Variants in TTC19 observed in about 807,000 individuals in gnomAD.
TTC19 encodes the protein tetratricopeptide repeat protein 19, mitochondrial.
Under a neutral mutation model 49.5 loss-of-function variants are expected in TTC19, and 38 were observed. That is an observed-to-expected ratio of 0.77 (90% CI 0.59 to 1.01). The LOEUF (loss-of-function observed/expected upper bound fraction) is 1.01, where lower values mean the gene tolerates loss of function less well. Among genes scored for constraint, TTC19 ranks in the 50% least tolerant of loss-of-function variants. TTC19 has a pLI of 0.00. For missense variants in TTC19, 475 were observed against 477.7 expected (o/e 0.99, Z 0.05); for synonymous variants, 204 against 185.2 (o/e 1.10, Z -0.83).
chr17:16,026,552 A>G lies in TTC19; in HGVS notation c.844A>G (p.Met282Val). Residue 282 changes from methionine to valine, a missense_variant, in exon 9 of 10, where the codon ATG becomes GTG. Met to Val is a conservative substitution (Grantham distance 21, BLOSUM62 1). Coordinates refer to ENST00000261647, the MANE Select transcript of TTC19 (RefSeq NM_017775.4). ...CTTTTACATACAGACCATTGTGCTG[A>G]TGAGTGACCTGGCTACTACCCTGGA... ...GERHPQTIVL[M>V]SDLATTLDAQ... The G allele has an allele frequency of 3.7e-6, 6 of 1,614,146 alleles. No individual in the cohort carries two copies. Among genetic ancestry groups the G allele is most frequent in the Non-Finnish European group, 4.2e-6 (5 of 1,179,992 alleles).
Position 16,000,258 on chromosome 17 carries a change from C to A in TTC19, c.312+13C>A. ...GAAGCGAGCCAAGGTGAGGCGGCTCCGGGCCCTGCGCCCGGCCGAGCGCGG... is the reference window on the plus strand; with the variant it reads ...GAAGCGAGCCAAGGTGAGGCGGCTCAGGGCCCTGCGCCCGGCCGAGCGCGG... On this transcript the variant is annotated intron_variant, in intron 2 of 9. Coordinates refer to ENST00000261647, the MANE Select transcript of TTC19 (RefSeq NM_017775.4). The A allele has an allele frequency of 6.3e-7, 1 of 1,593,572 alleles. No homozygotes were observed. Among genetic ancestry groups the A allele is most frequent in the Non-Finnish European group, 8.5e-7 (1 of 1,178,332 alleles).
chr17:15,999,929 C>T lies in TTC19; in HGVS notation c.81C>T (p.Arg27=). 2 of 1,342,202 alleles carry T rather than the reference C, an allele frequency of 1.5e-6. No individual in the cohort carries two copies. The highest frequency in any genetic ancestry group is 1.9e-6 in the Non-Finnish European group (2 of 1,054,708). 83.1% of individuals were successfully genotyped at this position (1,342,202 alleles called of 1,614,324 possible). A position where few individuals can be genotyped will look rare whatever the true frequency, so the allele number is the denominator to read the frequency against. ...GGCGGTGCCGGGGCTGCTCCGCGCGCCTGCTCCCGGGGCTGGCAGGAGGTC... is the reference window on the plus strand; with the variant it reads ...GGCGGTGCCGGGGCTGCTCCGCGCGTCTGCTCCCGGGGCTGGCAGGAGGTC... ...AGRRCRGCSA[R]LLPGLAGGPG... Residue 27 remains arginine (R), a synonymous_variant, in exon 1 of 10, where the codon CGC becomes CGT. Coordinates refer to ENST00000261647, the MANE Select transcript of TTC19 (RefSeq NM_017775.4).
chr17:16,005,225 C>G (rs1225833123), intron 6 of TTC19, among the ~76,000 whole-genome samples: 1 of 152,172 alleles, frequency 6.6e-6, no homozygotes. Flanking sequence ...AAGACATGGC[C>G]AGATCTGAGG....
chr17:16,036,185 TC>T (rs764823434), intron 2 of TTC19, among the ~76,000 whole-genome samples: 37 of 152,334 alleles, frequency 2.4e-4, no homozygotes, highest in Middle Eastern at 3.4e-3. Flanking sequence ...AAAACAACAT[TC>T]ATCTCCTTGA....
chr17:16,010,267 G>A (rs1400201934), intron 7 of TTC19, among the ~76,000 whole-genome samples: 3 of 131,664 alleles, frequency 2.3e-5, no homozygotes, highest in Non-Finnish European at 3.1e-5. Flanking sequence ...TCCGCCTCCC[G>A]GGTTTAAGCG....
At chr17:16,034,631 G>T in intron 2 of TTC19, 1 of 815,750 alleles carries the variant, frequency 1.2e-6, no homozygotes, top group Non-Finnish European at 1.9e-6. Flanking sequence ...TCGGGAAAGT[G>T]GAACATATTA....
chr17:16,020,556 C>A (rs1189327691), intron 7 of TTC19, among the ~76,000 whole-genome samples: 1 of 152,086 alleles, frequency 6.6e-6, no homozygotes, highest in Admixed American at 6.6e-5. Context: ...AATGACATCT[C>A]TATATTGGGT....
intron 2 of TTC19, 94 bp from the exon 3 acceptor site, chr17:16,001,821 A>T: frequency 1.2e-6 from 1 of 811,524 alleles, no homozygotes; most frequent in Non-Finnish European, 2.1e-6. Context: ...GCTTCCTTCT[A>T]TCAGTTGGGA....
At chr17:16,026,318 A>C (rs1386279012) in intron 8 of TTC19, among the ~76,000 whole-genome samples, 2 of 152,268 alleles carry the variant, frequency 1.3e-5, no homozygotes, top group Admixed American at 1.3e-4. Flanking sequence ...CCTAATTTCC[A>C]GATTTGTATT....
chr17:16,012,769 C>T (rs1161181233), intron 7 of TTC19, among the ~76,000 whole-genome samples: 1 of 151,956 alleles, frequency 6.6e-6, no homozygotes, highest in African/African-American at 2.4e-5. Context: ...AACTGCCGAC[C>T]TCAGGTGATC....
intron 7 of TTC19, among the ~76,000 whole-genome samples, chr17:16,015,879 T>C (rs982231788): frequency 6.6e-6 from 1 of 152,190 alleles, no homozygotes; most frequent in Non-Finnish European, 1.5e-5. Context: ...TTGGCACCTA[T>C]ATTTTACTAT....
At chr17:16,016,508 A>G (rs955885311) in intron 7 of TTC19, among the ~76,000 whole-genome samples, 1 of 144,852 alleles carries the variant, frequency 6.9e-6, no homozygotes, top group Non-Finnish European at 1.5e-5. Flanking sequence ...TTATAGTGTT[A>G]TTCAAGTCTT....
At chr17:16,033,899 A>G (rs186837228), downstream of TTC19, among the ~76,000 whole-genome samples, 1 of 151,764 alleles carries the variant, frequency 6.6e-6, no homozygotes, top group East Asian at 2.0e-4. Context: ...TCCGCCTCCC[A>G]GGTTCAAGTG....
Position 16,006,477 on chromosome 17 carries a change from G to A in TTC19, c.585G>A (p.Gln195=), listed in dbSNP as rs1198352660. The A allele has an allele frequency of 6.2e-7, 1 of 1,607,934 alleles. No individual in the cohort carries two copies. Among genetic ancestry groups the A allele is most frequent in the Admixed American group, 1.7e-5 (1 of 60,004 alleles). The part of the protein sequence containing the change: ...LASIYAAQNR[Q]EFAVAGYEFC... ...GATTATTGATTTTGCTTTACAGACA[G>A]GAATTTGCTGTTGCTGGCTATGAAT... The change falls in exon 7 of 10, where the codon CAG becomes CAA. Residue 195 remains glutamine (Q), a synonymous_variant. Coordinates refer to ENST00000261647, the MANE Select transcript of TTC19 (RefSeq NM_017775.4).
At chr17:16,030,858 A>C (rs1971857230), downstream of TTC19, 2 of 188,218 alleles carry the variant, frequency 1.1e-5, no homozygotes, top group East Asian at 1.7e-4. Context: ...GCTTCCTTAA[A>C]AGCCTTGAGT....
rs562051647 is a variant in TTC19, at chr17:16,029,162, C to T, written c.*1640C>T. 1 of 452,776 alleles carries T rather than the reference C, an allele frequency of 2.2e-6. No homozygotes were observed. The highest frequency in any genetic ancestry group is 2.0e-5 in the African/African-American group (1 of 49,976). The allele number at this position is 452,776 out of a possible 1,614,324, so 28.0% of individuals were successfully genotyped here. A position where few individuals can be genotyped will look rare whatever the true frequency, so the allele number is the denominator to read the frequency against. ...CTGCAGGGGTTACTGAAAGGTTTTT[C>T]ATTCCAAGTTTTATTTATTTATTAA... On this transcript the variant is annotated 3_prime_UTR_variant, in exon 10 of 10. Coordinates refer to ENST00000261647, the MANE Select transcript of TTC19 (RefSeq NM_017775.4).
chr17:16,000,714 G>A lies in TTC19; in HGVS notation c.312+469G>A, dbSNP rs117332509. 1.8e-4 allele frequency among the ~76,000 whole-genome samples: 28 copies of A among 151,688 alleles called. No homozygotes were observed. In the East Asian group the frequency reaches 5.2e-3, roughly 28 times the overall value. On this transcript the variant is annotated intron_variant, in intron 2 of 9. Coordinates refer to ENST00000261647, the MANE Select transcript of TTC19 (RefSeq NM_017775.4). Reference sequence around the variant, plus strand: ...CAAGTTATCTCATCTCTTCCATTGAGCTAAATACCTACTCGATGCCAACAA... The same window carrying A: ...CAAGTTATCTCATCTCTTCCATTGAACTAAATACCTACTCGATGCCAACAA...
At chr17:16,003,299 G>A (rs1263510960) in intron 4 of TTC19, among the ~76,000 whole-genome samples, 1 of 152,094 alleles carries the variant, frequency 6.6e-6, no homozygotes, top group Non-Finnish European at 1.5e-5. Flanking sequence ...TGCCCAGGTT[G>A]GAGTGCGGTG....
downstream of TTC19, among the ~76,000 whole-genome samples, chr17:16,032,966 G>T (rs999738237): frequency 3.3e-5 from 5 of 152,192 alleles, no homozygotes; most frequent in Non-Finnish European, 7.4e-5. Context: ...ACAAGATTGA[G>T]AAATGAGGTA....
Sources: allele counts gnomAD v4.1 joint callset (sites outside exome capture counted in the v4.1 genomes callset), GRCh38; gene constraint gnomAD v4.1.1; transcripts MANE v1.5; gene names NCBI Gene and HGNC (gene_info 2026-07-23, HGNC 2026-07-21).